MICAL2: variants seen among roughly 807,000 people sequenced by gnomAD.
MICAL2 encodes the protein [F-actin]-monooxygenase MICAL2.
Under a neutral mutation model 127.3 loss-of-function variants are expected in MICAL2, and 77 were observed. That is an observed-to-expected ratio of 0.60 (90% CI 0.50 to 0.73). The LOEUF is 0.73. Ranked by LOEUF, MICAL2 falls within the 30% of genes least tolerant of loss-of-function variation. The probability of loss-of-function intolerance (pLI) is 0.00; values close to 1 mark genes in which losing one functional copy is unlikely to be tolerated. For synonymous variants in MICAL2, 570 were observed against 551.1 expected, an observed-to-expected ratio of 1.03 and a Z score of -0.48; for missense variants, 1,351 against 1,434.4, an observed-to-expected ratio of 0.94 and a Z score of 0.94.
chr11:12,191,851 GGT>G (rs1247202404), intron 3 of MICAL2, among the ~76,000 whole-genome samples: 3 of 152,170 alleles, frequency 2.0e-5, no homozygotes, highest in Non-Finnish European at 2.9e-5. Context: ...GAGAGTAATG[GGT>G]GGGGCTGAGA....
intron 3 of MICAL2, among the ~76,000 whole-genome samples, chr11:12,179,861 G>C (rs904212746): frequency 6.6e-6 from 1 of 152,212 alleles, no homozygotes; most frequent in Non-Finnish European, 1.5e-5. Flanking sequence ...CCAGTTTCCT[G>C]TCTGTATCAA....
At chr11:12,245,306 G>A (rs149159269) in intron 21 of MICAL2, among the ~76,000 whole-genome samples, 321 of 152,278 alleles carry the variant, frequency 2.1e-3, no homozygotes, top group African/African-American at 7.4e-3. Context: ...TGCACGTGCC[G>A]CTGCCAGAAG....
At chr11:12,149,642 C>G (rs1853351289) in intron 2 of MICAL2, among the ~76,000 whole-genome samples, 1 of 152,094 alleles carries the variant, frequency 6.6e-6, no homozygotes, top group Non-Finnish European at 1.5e-5. Flanking sequence ...AAATTTGACT[C>G]GAAGGATTTG....
intron 3 of MICAL2, among the ~76,000 whole-genome samples, chr11:12,196,448 G>C (rs571282560): frequency 6.6e-6 from 1 of 152,152 alleles, no homozygotes; most frequent in Non-Finnish European, 1.5e-5. Flanking sequence ...GGTAATTAAA[G>C]TCATGGAAGT....
chr11:12,149,827 T>C (rs1056541350), intron 2 of MICAL2, among the ~76,000 whole-genome samples: 6 of 152,158 alleles, frequency 3.9e-5, no homozygotes, highest in Non-Finnish European at 8.8e-5. Context: ...GTGGTGCAAG[T>C]ACAGCCTGGG....
Position 12,216,015 on chromosome 11 carries a change from A to T in MICAL2, c.848-204A>T, listed in dbSNP as rs543295273. 3.9e-5 allele frequency among the ~76,000 whole-genome samples: 6 copies of T among 152,348 alleles called. No individual in the cohort carries two copies. The South Asian group carries it at 1.2e-3, about 32-fold the overall frequency. On this transcript the variant is annotated intron_variant, in intron 7 of 27. Transcript: ENST00000683283. ...GTTTTAACAGGAATAATGCCGCTAT[A>T]GAACTATAGAAGCTAGCTGCTTTGA...
At chr11:12,358,585 T>TAA (rs3045408), downstream of MICAL2, 1,050,557 of 1,165,994 alleles carry the variant, frequency 0.9, 473,675 homozygotes, top group Admixed American at 0.94. Flanking sequence ...CCCTGGAACT[T>TAA]GTTATACCTT....
intron 1 of MICAL2, among the ~76,000 whole-genome samples, chr11:12,278,887 T>C (rs1482427608): frequency 1.3e-5 from 2 of 152,174 alleles, no homozygotes; most frequent in African/African-American, 4.8e-5. Flanking sequence ...TTTGGGCACG[T>C]TGGGTTTGAG....
Position 12,242,198 on chromosome 11 carries a change from T to A in MICAL2, c.2338-16T>A. The A allele has an allele frequency of 6.3e-7, 1 of 1,586,846 alleles. No individual in the cohort carries two copies. The highest frequency in any genetic ancestry group is 2.3e-5 in the East Asian group (1 of 44,072). On this transcript the variant is annotated splice_polypyrimidine_tract_variant and intron_variant, in intron 18 of 27. Transcript: ENST00000683283. ...GCCGCAGTAGGGAAGGAAGCTTAAT[T>A]TTCCCTCTTTCCCAGTTCCCCTCTG...
At chr11:12,275,303 A>C (rs1002195005), upstream of MICAL2, among the ~76,000 whole-genome samples, 120 of 152,208 alleles carry the variant, frequency 7.9e-4, no homozygotes, top group Admixed American at 7.9e-3. Context: ...ATATAAGTCT[A>C]GAATCAGGAA....
downstream of MICAL2, chr11:12,293,755 G>A: frequency 1.9e-6 from 3 of 1,613,970 alleles, no homozygotes; most frequent in African/African-American, 1.3e-5. Context: ...ACCCTGCAGA[G>A]ATGACTTCTG....
chr11:12,120,480 T>C (rs889325126), intron 1 of MICAL2, among the ~76,000 whole-genome samples: 1 of 151,906 alleles, frequency 6.6e-6, no homozygotes, highest in Non-Finnish European at 1.5e-5. Flanking sequence ...TTCTAACTCA[T>C]GGAGGGAGGT....
chr11:12,294,164 G>A, downstream of MICAL2: 4 of 1,614,028 alleles, frequency 2.5e-6, no homozygotes, highest in Non-Finnish European at 3.4e-6. Flanking sequence ...AACCCAGAGA[G>A]GGGCCCAGGA....
At chr11:12,269,797 C>A (rs1300891507) in intron 24 of MICAL2, among the ~76,000 whole-genome samples, 1 of 152,364 alleles carries the variant, frequency 6.6e-6, no homozygotes, top group East Asian at 1.9e-4. Context: ...TGACGCCTGG[C>A]TTGTGGGCAG....
intron 31 of MICAL2, among the ~76,000 whole-genome samples, chr11:12,325,598 GC>G (rs1185070453): frequency 6.6e-6 from 1 of 152,234 alleles, no homozygotes. Context: ...ATAGACAGCT[GC>G]CTTCTTCATG....
At chr11:12,306,039 G>C (rs1864105728) in intron 29 of MICAL2, among the ~76,000 whole-genome samples, 1 of 152,146 alleles carries the variant, frequency 6.6e-6, no homozygotes, top group African/African-American at 2.4e-5. Context: ...ATTTCTGAAG[G>C]TTTATTTCTA....
intron 32 of MICAL2, chr11:12,327,315 T>C (rs906509236): frequency 6.8e-7 from 1 of 1,467,128 alleles, no homozygotes; most frequent in Non-Finnish European, 9.3e-7. Context: ...CTGAGAATAG[T>C]GCTAGCGTAA....
chr11:12,294,625 CT>C (rs1195961301), downstream of MICAL2: 1 of 1,613,798 alleles, frequency 6.2e-7, no homozygotes, highest in Non-Finnish European at 8.5e-7. Context: ...CACTTTTTTC[CT>C]CCCTCAGACT....
Position 12,352,456 on chromosome 11 carries a change from G to A in MICAL2, c.5616-2328G>A, listed in dbSNP as rs1013626062. Among the ~76,000 whole-genome samples the A allele has an allele frequency of 7.9e-5, 12 of 152,322 alleles. 1 individual carries two copies. Among genetic ancestry groups the A allele is most frequent in the South Asian group, 2.1e-4 (1 of 4,826 alleles). On this transcript the variant is annotated intron_variant, in intron 33 of 34. Transcript: ENST00000646065. ...GTCTGCCTGAGAGTCAGGGAGGCAC[G>A]GCTGCTGCCTGTGTCCCATAACTGC...
Sources: gnomAD v4.1 joint callset for allele counts (sites outside exome capture counted in the v4.1 genomes callset) on GRCh38, gnomAD v4.1.1 for gene constraint, MANE v1.5 for transcripts, NCBI Gene and HGNC (gene_info 2026-07-23, HGNC 2026-07-21) for gene names.